The following LYST variants were observed in gnomAD, a reference collection of about 807,000 sequenced individuals.
LYST encodes lysosomal trafficking regulator, also known as lysosomal-trafficking regulator.
Under a neutral mutation model 413.6 loss-of-function variants are expected in LYST, and 192 were observed. The ratio of observed to expected loss-of-function variants is 0.46; its 90% confidence interval spans 0.41 to 0.52. LYST has a LOEUF of 0.52. Ranked by LOEUF, LYST falls within the 20% of genes least tolerant of loss-of-function variation. The pLI is 0.00. For missense variants in LYST, 3,815 were observed against 4,499.9 expected (o/e 0.85, Z 4.35); for synonymous variants, 1,525 against 1,567.3 (o/e 0.97, Z 0.64).
intron 28 of LYST, among the ~76,000 whole-genome samples, chr1:235,749,504 A>T (rs1315039385): frequency 6.6e-6 from 1 of 152,066 alleles, no homozygotes; most frequent in Non-Finnish European, 1.5e-5. Flanking sequence ...GCAGGACACA[A>T]AGGGGTGAGT....
chr1:235,682,100 A>G (rs1216244521), intron 48 of LYST, among the ~76,000 whole-genome samples: 1 of 152,202 alleles, frequency 6.6e-6, no homozygotes, highest in African/African-American at 2.4e-5. Context: ...TGTTGAGCCC[A>G]GGAGCTCGAG....
In LYST at chr1:235,674,694, A is replaced by G. The variant is rs1659235139; in HGVS notation, c.11038+2397T>C. 6.6e-6 allele frequency among the ~76,000 whole-genome samples: 1 copy of G among 152,200 alleles called. No individual in the cohort carries two copies. Among genetic ancestry groups the G allele is most frequent in the South Asian group, 2.1e-4 (1 of 4,834 alleles). ...GGCTTAGGAAAATAGAATAGCCCTT[A>G]ACATAATATTGGCCAAAAAGGGCGG... On this transcript the variant is annotated intron_variant, in intron 50 of 52. Transcript: ENST00000389793. This position sits in a 1 kb window ranked among gnomAD's most constrained non-coding sequence, Gnocchi z 4.1.
intron 25 of LYST, among the ~76,000 whole-genome samples, chr1:235,754,491 T>C (rs1484641097): frequency 6.6e-6 from 1 of 151,782 alleles, no homozygotes; most frequent in Admixed American, 6.6e-5. Flanking sequence ...TCCCAAAGTG[T>C]TGGGAGTACA....
At chr1:235,800,009 T>C (rs1243186470) in intron 10 of LYST, among the ~76,000 whole-genome samples, 1 of 124,530 alleles carries the variant, frequency 8.0e-6, no homozygotes, top group Admixed American at 1.0e-4. Flanking sequence ...CAGACTGGAG[T>C]GCAGTGGCAT....
chr1:235,764,624 C>T (rs1243117163), intron 21 of LYST, among the ~76,000 whole-genome samples: 1 of 151,524 alleles, frequency 6.6e-6, no homozygotes, highest in Admixed American at 6.6e-5. Flanking sequence ...CTCAGCCTCC[C>T]AAGTAGCTGG....
At chr1:235,807,695 T>C (rs1053603951) in intron 5 of LYST, among the ~76,000 whole-genome samples, 3 of 152,226 alleles carry the variant, frequency 2.0e-5, no homozygotes, top group Admixed American at 6.5e-5. Flanking sequence ...CATTCGTTTA[T>C]AAAATTATTT....
At chr1:235,836,408 T>C (rs1021531856) in intron 1 of LYST, among the ~76,000 whole-genome samples, 2 of 152,148 alleles carry the variant, frequency 1.3e-5, no homozygotes, top group Non-Finnish European at 2.9e-5. Context: ...AGTAAGGGTA[T>C]AGAGTGACAG....
At position 235,697,204 on chromosome 1, in the gene LYST, A is replaced by C. The variant is rs1203105574; in HGVS notation, c.10443T>G (p.Pro3481=). The C allele has an allele frequency of 1.2e-6, 2 of 1,614,094 alleles. No homozygotes were observed. The highest frequency in any genetic ancestry group is 1.7e-6 in the Non-Finnish European group (2 of 1,180,032). ...EYVGSPSAPV[P]VVCFSQPHGE... ...CGTGGGGCTGGCTGAAGCAGACCACAGGTACTGGAGCACTGGGGGAACCCA... is the reference window on the plus strand; with the variant it reads ...CGTGGGGCTGGCTGAAGCAGACCACCGGTACTGGAGCACTGGGGGAACCCA... Residue 3481 remains proline, a synonymous_variant, in exon 46 of 53, where the codon CCT becomes CCG. Transcript: ENST00000389793.
At chr1:235,828,788 C>T in intron 3 of LYST, 2 of 808,748 alleles carry the variant, frequency 2.5e-6, no homozygotes, top group Non-Finnish European at 3.0e-6. Flanking sequence ...AAATAAATCA[C>T]TATACATGGT....
intron 10 of LYST, among the ~76,000 whole-genome samples, chr1:235,797,450 C>A (rs76767731): frequency 0.022 from 3,304 of 152,184 alleles, 113 homozygotes; most frequent in African/African-American, 0.075. Context: ...CTATTATCTT[C>A]CTCTCAAAAG....
chr1:235,677,360 C>A, intron 49 of LYST, 120 bp downstream of exon 49: 3 of 1,196,304 alleles, frequency 2.5e-6, no homozygotes, highest in Non-Finnish European at 3.7e-6. Context: ...TACCTTTAAG[C>A]ATGTGTTTCA....
At chr1:235,844,906 TA>T (rs1240301065) in intron 1 of LYST, among the ~76,000 whole-genome samples, 1 of 152,202 alleles carries the variant, frequency 6.6e-6, no homozygotes, top group African/African-American at 2.4e-5. Context: ...TGTAACTTTT[TA>T]GTCAATACTA....
At chr1:235,861,698 T>C (rs1243907870) in intron 1 of LYST, among the ~76,000 whole-genome samples, 2 of 152,212 alleles carry the variant, frequency 1.3e-5, no homozygotes, top group African/African-American at 4.8e-5. Flanking sequence ...TGTTGCTGTG[T>C]TGCCCAGGCT....
chr1:235,862,933 G>C (rs1391725895), intron 1 of LYST, among the ~76,000 whole-genome samples: 1 of 152,036 alleles, frequency 6.6e-6, no homozygotes, highest in East Asian at 1.9e-4. Context: ...ATAAAATGAG[G>C]TGTTGCCTGA....
intron 3 of LYST, among the ~76,000 whole-genome samples, chr1:235,824,314 A>T (rs1449795453): frequency 3.3e-5 from 5 of 152,244 alleles, no homozygotes; most frequent in Non-Finnish European, 1.5e-5. Context: ...AAAAAGTAGT[A>T]TTTATAACAC....
rs772000938 is a variant in LYST at position 235,715,275 on chromosome 1, T to C, written c.9710A>G (p.Tyr3237Cys). 1 of 1,614,016 alleles carries C rather than the reference T, an allele frequency of 6.2e-7. No individual in the cohort carries two copies. Among genetic ancestry groups the C allele is most frequent in the South Asian group, 1.1e-5 (1 of 91,076 alleles). ...PVQPYHYGSH[Y>C]SNSGTVLHFL... ...GTGAAGCACAGTGCCGCTATTGGAA[T>C]AGTGGGAGCCATAGTGATAGGGCTG... The change falls in exon 42 of 53, where the codon TAT becomes TGT. Residue 3237 changes from tyrosine to cysteine, a missense_variant. Physicochemically the swap from Tyr to Cys is radical, Grantham distance 194. This residue lies in a region of LYST where 866 missense variants were observed against 1,156.0 expected (regional missense o/e 0.75). Coordinates refer to ENST00000389793, the MANE Select transcript of LYST (RefSeq NM_000081.4).
At chr1:235,829,542 C>G (rs914518651) in intron 3 of LYST, 1 of 152,122 alleles carries the variant, frequency 6.6e-6, no homozygotes, top group Non-Finnish European at 1.5e-5. Context: ...AATAATTATT[C>G]ATTTTCTACT....
chr1:235,691,440 T>G (rs6429238), intron 47 of LYST, among the ~76,000 whole-genome samples: 7,906 of 152,094 alleles, frequency 0.052, 707 homozygotes, highest in African/African-American at 0.18. Flanking sequence ...ATACATGATG[T>G]CTGAATAACC....
At chr1:235,872,594 G>A (rs990155196) in intron 1 of LYST, among the ~76,000 whole-genome samples, 2 of 152,166 alleles carry the variant, frequency 1.3e-5, no homozygotes, top group African/African-American at 4.8e-5. Context: ...ATCCAACAGG[G>A]GAGGTCAGAG....
Sources: allele counts gnomAD v4.1 joint callset (sites outside exome capture counted in the v4.1 genomes callset), GRCh38; gene constraint gnomAD v4.1.1; regional missense constraint gnomAD v4.1.1; non-coding constraint Gnocchi (gnomAD v3.1); transcripts MANE v1.5; gene names NCBI Gene and HGNC (gene_info 2026-07-23, HGNC 2026-07-21).